MMP26: variants seen among roughly 807,000 people sequenced by gnomAD.
The protein encoded by MMP26 is matrix metallopeptidase 26.
In MMP26, 33 loss-of-function variants were observed where a neutral mutation model predicts 31.0. The ratio of observed to expected loss-of-function variants is 1.06; its 90% CI spans 0.81 to 1.42. The LOEUF (loss-of-function observed/expected upper bound fraction) is 1.42. Ranked by LOEUF, MMP26 falls within the 40% of genes most tolerant of loss-of-function variation. MMP26 has a pLI of 0.00. For missense variants in MMP26, 347 were observed against 316.1 expected, an observed-to-expected ratio of 1.10 and a Z score of -0.74; for synonymous variants, 122 against 114.9, an observed-to-expected ratio of 1.06 and a Z score of -0.40.
chr11:4,734,676 C>T (rs1233626402), intron 1 of MMP26, among the ~76,000 whole-genome samples: 2 of 151,458 alleles, frequency 1.3e-5, no homozygotes, highest in African/African-American at 4.9e-5. Context: ...TTAATTTTCA[C>T]ATATTTGTGA....
At chr11:4,945,750 A>G in intron 2 of MMP26, 1 of 230,878 alleles carries the variant, frequency 4.3e-6, no homozygotes, top group Non-Finnish European at 8.5e-6. Flanking sequence ...GATTAAATTA[A>G]AAAAATGGTT....
At chr11:4,882,608 C>A in intron 2 of MMP26, 1 of 1,613,902 alleles carries the variant, frequency 6.2e-7, no homozygotes, top group Non-Finnish European at 8.5e-7. Flanking sequence ...AAAGAAGCAA[C>A]AAAAAGCTCT....
chr11:4,910,590 T>C (rs2133569176), intron 2 of MMP26, among the ~76,000 whole-genome samples: 1 of 152,224 alleles, frequency 6.6e-6, no homozygotes, highest in South Asian at 2.1e-4. Flanking sequence ...TACAACAAAC[T>C]TATACCTCAA....
At chr11:4,837,211 C>A (rs944195206) in intron 2 of MMP26, among the ~76,000 whole-genome samples, 1 of 152,020 alleles carries the variant, frequency 6.6e-6, no homozygotes, top group African/African-American at 2.4e-5. Context: ...ACCAACCTAA[C>A]ATTTATTTAT....
chr11:4,902,661 TAA>T (rs1361600407), intron 2 of MMP26, among the ~76,000 whole-genome samples: 2 of 152,198 alleles, frequency 1.3e-5, no homozygotes, highest in African/African-American at 2.4e-5. Flanking sequence ...AATAAAATGT[TAA>T]GTCCCAAGAT....
At chr11:4,718,452 T>A (rs1227769672) in intron 1 of MMP26, among the ~76,000 whole-genome samples, 2 of 152,236 alleles carry the variant, frequency 1.3e-5, no homozygotes, top group Non-Finnish European at 2.9e-5. Flanking sequence ...CTTCATTTGT[T>A]GTTGCCATTA....
intron 3 of MMP26, among the ~76,000 whole-genome samples, chr11:4,989,235 G>A (rs184805159): frequency 5.1e-4 from 78 of 152,246 alleles, no homozygotes; most frequent in Non-Finnish European, 9.0e-4. Flanking sequence ...ATGAAATGGG[G>A]AATGCAGAAC....
At chr11:4,835,720 A>G (rs909922004) in intron 2 of MMP26, among the ~76,000 whole-genome samples, 4 of 152,200 alleles carry the variant, frequency 2.6e-5, no homozygotes, top group East Asian at 3.9e-4. Context: ...AGGACCATTC[A>G]AAGGTGCTTT....
chr11:4,733,687 T>C (rs1848202455), intron 1 of MMP26, among the ~76,000 whole-genome samples: 2 of 152,226 alleles, frequency 1.3e-5, no homozygotes. Context: ...CTTGTCTAGC[T>C]GTTGTGGCTA....
chr11:4,782,911 A>G (rs778601343), intron 2 of MMP26, among the ~76,000 whole-genome samples: 12 of 152,182 alleles, frequency 7.9e-5, no homozygotes, highest in Non-Finnish European at 1.8e-4. Context: ...GAAGTTAAGA[A>G]CTGAGGTTTG....
At chr11:4,768,871 G>A (rs931272463) in intron 2 of MMP26, 2 of 580,020 alleles carry the variant, frequency 3.4e-6, no homozygotes, top group African/African-American at 3.7e-5. Context: ...TTTGGTGAAT[G>A]AAAAATATTT....
chr11:4,802,773 T>C (rs1357084326), intron 2 of MMP26, among the ~76,000 whole-genome samples: 1 of 152,216 alleles, frequency 6.6e-6, no homozygotes, highest in Non-Finnish European at 1.5e-5. Context: ...CAGTATAGAA[T>C]TGGTACCAAG....
In MMP26 at chr11:4,914,982, G is replaced by A. The variant is rs201371040; in HGVS notation, c.-144-73086G>A. 451 of 1,614,062 alleles carry A rather than the reference G, an allele frequency of 2.8e-4. 1 individual carries two copies. Among genetic ancestry groups the A allele is most frequent in the Middle Eastern group, 2.0e-3 (12 of 6,060 alleles). ...CTGGAGGCGATGGACAGCACGGTGC[G>A]CAGGATCAGAGCATAAGAGAAGAGG... On this transcript the variant is annotated intron_variant, in intron 2 of 7. Transcript: ENST00000380390.
chr11:4,908,844 T>C (rs1376656572), intron 2 of MMP26: 2 of 161,568 alleles, frequency 1.2e-5, no homozygotes, highest in Non-Finnish European at 2.7e-5. Context: ...CAATTTCTTC[T>C]CTACATGATA....
At chr11:4,713,196 G>C (rs546541504) in intron 1 of MMP26, among the ~76,000 whole-genome samples, 1 of 152,038 alleles carries the variant, frequency 6.6e-6, no homozygotes, top group Non-Finnish European at 1.5e-5. Flanking sequence ...GCTGCTTCAC[G>C]TGGAGCTGTA....
In MMP26 at chr11:4,898,415, G is replaced by C. The variant is rs940353667; in HGVS notation, c.-144-89653G>C. Among the ~76,000 whole-genome samples the C allele has an allele frequency of 4.6e-5, 7 of 151,810 alleles. No homozygotes were observed. In the South Asian group the frequency reaches 1.5e-3, roughly 32 times the overall value. The stretch of plus-strand genomic sequence containing the variant: ...TAATTTCTTTGTGTTTATCCTGTTT[G>C]GGGTTGTTTGCTGTGGCTCTCTTCT... On this transcript the variant is annotated intron_variant, in intron 2 of 7. Transcript: ENST00000380390.
chr11:4,907,342 C>A, intron 2 of MMP26: 1 of 1,451,578 alleles, frequency 6.9e-7, no homozygotes. Context: ...GTTTCAGATC[C>A]GGCTAACGAG....
intron 2 of MMP26, chr11:4,882,411 A>T (rs760518977): frequency 6.2e-7 from 1 of 1,613,782 alleles, no homozygotes; most frequent in Non-Finnish European, 8.5e-7. Context: ...GTGTCTTTTC[A>T]TGGGGGTCAC....
At chr11:4,894,638 T>C (rs74054635) in intron 2 of MMP26, among the ~76,000 whole-genome samples, 2 of 152,148 alleles carry the variant, frequency 1.3e-5, no homozygotes, top group African/African-American at 2.4e-5. Flanking sequence ...ATAATGATTG[T>C]AGTAGCAAAA....
Sources: gnomAD v4.1 joint callset for allele counts (sites outside exome capture counted in the v4.1 genomes callset) on GRCh38, gnomAD v4.1.1 for gene constraint, MANE v1.5 for transcripts, NCBI Gene and HGNC (gene_info 2026-07-23, HGNC 2026-07-21) for gene names.